ECSCR: variants seen among roughly 807,000 people sequenced by gnomAD.
ECSCR encodes the protein endothelial cell-specific chemotaxis regulator.
In ECSCR, 12 loss-of-function variants were observed where a neutral mutation model predicts 16.7. The ratio of observed to expected loss-of-function variants is 0.72; its 90% confidence interval spans 0.46 to 1.17. The LOEUF (loss-of-function observed/expected upper bound fraction) is 1.17, where lower values mean the gene tolerates loss of function less well. Ranked by LOEUF, ECSCR falls within the 50% of genes most tolerant of loss-of-function variation. The pLI is 0.00. For missense variants in ECSCR, 122 were observed against 116.1 expected (o/e 1.05, Z -0.23); for synonymous variants, 44 against 42.2 (o/e 1.04, Z -0.17).
intron 5 of ECSCR, among the ~76,000 whole-genome samples, chr5:139,455,750 G>C (rs997369653): frequency 6.7e-6 from 1 of 148,260 alleles, no homozygotes; most frequent in African/African-American, 2.5e-5. Flanking sequence ...GCCAAGATGG[G>C]TGGATCACTT....
In ECSCR at chr5:139,454,146, GGT is replaced by G. The variant is rs1207263373; in HGVS notation, c.512+454_512+455del. Among the ~76,000 whole-genome samples the G allele has an allele frequency of 1.4e-3, 207 of 144,192 alleles. 2 individuals carry two copies. The highest frequency in any genetic ancestry group is 4.3e-3 in the African/African-American group (168 of 39,050). The allele number at this position is 144,192 out of a possible 152,430, so 94.6% of individuals were successfully genotyped here. ...GGTGTGTGGTGTGTCTGATGAGTGG[GGT>G]GTGTGTGTGTGTGGTGTGTGGGTAT... On this transcript the variant is annotated intron_variant, in intron 8 of 9. Transcript: ENST00000618155.
At chr5:139,450,727 G>A (rs550051171) in intron 8 of ECSCR, among the ~76,000 whole-genome samples, 6 of 151,084 alleles carry the variant, frequency 4.0e-5, no homozygotes, top group Non-Finnish European at 7.4e-5. Flanking sequence ...AGTGAGCTGA[G>A]ATTGTACCAC....
In ECSCR at chr5:139,448,662, G is replaced by A. The variant is rs1019145932; in HGVS notation, c.*238C>T. The stretch of plus-strand genomic sequence containing the variant: ...ACCTCCTCTTTCCTGTGGCTCTGAG[G>A]AGGTGGGAGAAGCAGGCAGTATTTC... On this transcript the variant is annotated 3_prime_UTR_variant, in exon 10 of 10. Transcript: ENST00000618155. 3.2e-6 allele frequency: 4 copies of A among 1,262,692 alleles called. No individual in the cohort carries two copies. Among genetic ancestry groups the A allele is most frequent in the Admixed American group, 3.2e-5 (1 of 31,494 alleles). The allele number at this position is 1,262,692 out of a possible 1,614,324, so 78.2% of individuals were successfully genotyped here.
At chr5:139,456,731 T>A (rs978979822) in intron 4 of ECSCR, among the ~76,000 whole-genome samples, 1 of 152,212 alleles carries the variant, frequency 6.6e-6, no homozygotes, top group Non-Finnish European at 1.5e-5. Flanking sequence ...TCCTGTTACC[T>A]TCGTTGTGAC....
intron 1 of ECSCR, among the ~76,000 whole-genome samples, chr5:139,460,290 C>T (rs928584492): frequency 6.6e-6 from 1 of 152,080 alleles, no homozygotes; most frequent in Non-Finnish European, 1.5e-5. Flanking sequence ...CGCCTGCCAC[C>T]ATGCCCGGCT....
In ECSCR at chr5:139,458,315, GTTTTGTTTTGT is replaced by G. The variant is rs1253800050; in HGVS notation, c.62-143_62-133del. ...GACCCTGTCTCTAAAAAAAAATTTT[GTTTTGTTTTGT>G]TTTTTTTTTTTTTTTAAATTCTCCA... On this transcript the variant is annotated intron_variant, in intron 1 of 9. Coordinates refer to ENST00000618155, the MANE Select transcript of ECSCR (RefSeq NM_001077693.4). 61 of 712,826 alleles carry G rather than the reference GTTTTGTTTTGT, an allele frequency of 8.6e-5. No individual in the cohort carries two copies. The South Asian group carries it at 1.2e-3, about 14-fold the overall frequency. The allele number at this position is 712,826 out of a possible 1,614,324, so 44.2% of individuals were successfully genotyped here. A position where few individuals can be genotyped will look rare whatever the true frequency, so the allele number is the denominator to read the frequency against.
chr5:139,456,516 C>T lies in ECSCR; in HGVS notation c.220G>A (p.Ala74Thr), dbSNP rs912591074. ...TCTCTTCCACTGCTGGGGACACCTG[C>T]GCCTGCACCATGAAACAGCATGACC... ...SHLSSTGTPG[A>T]GVPSSGRDGG... Residue 74 changes from alanine to threonine, a missense_variant and splice_region_variant, in exon 5 of 10, where the codon GCA (alanine) becomes ACA (threonine). Ala to Thr is a moderately conservative substitution (Grantham distance 58). Coordinates refer to ENST00000618155, the MANE Select transcript of ECSCR (RefSeq NM_001077693.4). 29 of 398,704 alleles carry T rather than the reference C, an allele frequency of 7.3e-5. No individual in the cohort carries two copies. The highest frequency in any genetic ancestry group is 1.0e-4 in the African/African-American group (5 of 48,764). The allele number at this position is 398,704 out of a possible 1,614,324, so 24.7% of individuals were successfully genotyped here. A position where few individuals can be genotyped will look rare whatever the true frequency, so the allele number is the denominator to read the frequency against.
intron 2 of ECSCR, 165 bp downstream of exon 2, chr5:139,457,974 A>T: frequency 1.6e-6 from 1 of 617,910 alleles, no homozygotes; most frequent in South Asian, 7.1e-5. Flanking sequence ...AGCTAGGCTG[A>T]AAAAAAATCC....
At chr5:139,453,809 ATGTGTGGGGGATGTGTGG>A (rs1339406170) in intron 8 of ECSCR, among the ~76,000 whole-genome samples, 2 of 29,584 alleles carry the variant, frequency 6.8e-5, no homozygotes, top group Admixed American at 6.6e-4. Context: ...GTGGTGTGTG[ATGTGTGGGGGATGTGTGG>A]TGTGTGGGTA....
chr5:139,454,312 A>G (rs1406002488), intron 8 of ECSCR, among the ~76,000 whole-genome samples: 1 of 131,372 alleles, frequency 7.6e-6, no homozygotes, highest in Non-Finnish European at 1.6e-5. Context: ...GGAGGCGTGT[A>G]TAATATGGGG....
At chr5:139,454,307 C>G (rs916599731) in intron 8 of ECSCR, among the ~76,000 whole-genome samples, 2 of 122,702 alleles carry the variant, frequency 1.6e-5, no homozygotes, top group Non-Finnish European at 1.7e-5. Context: ...GTGTGGGAGG[C>G]GTGTATAATA....
At chr5:139,455,480 A>G (rs1435808944) in intron 5 of ECSCR, 44 bp from the exon 6 acceptor site, 3 of 397,138 alleles carry the variant, frequency 7.6e-6, no homozygotes, top group African/African-American at 2.1e-5. Context: ...GGGGACTGAC[A>G]CAGGGAAGCT....
At chr5:139,462,101 C>T (rs1180039313) in intron 1 of ECSCR, among the ~76,000 whole-genome samples, 1 of 152,190 alleles carries the variant, frequency 6.6e-6, no homozygotes, top group African/African-American at 2.4e-5. Flanking sequence ...TGTGTCTAAC[C>T]TGAGTCCCTC....
At chr5:139,450,371 G>A (rs1314930386) in intron 8 of ECSCR, among the ~76,000 whole-genome samples, 1 of 151,852 alleles carries the variant, frequency 6.6e-6, no homozygotes, top group Non-Finnish European at 1.5e-5. Context: ...GGGCATGGTG[G>A]CACATGCCTG....
intron 1 of ECSCR, among the ~76,000 whole-genome samples, chr5:139,459,797 G>T (rs1433225233): frequency 2.0e-5 from 3 of 152,190 alleles, no homozygotes; most frequent in Admixed American, 6.5e-5. Context: ...GGTGCCAGGG[G>T]CCCACCCCAG....
In ECSCR at chr5:139,455,378, A is replaced by G. The variant is rs1751134157; in HGVS notation, c.321T>C (p.Asp107=). 7.5e-6 allele frequency: 3 copies of G among 398,630 alleles called. No individual in the cohort carries two copies. Among genetic ancestry groups the G allele is most frequent in the African/African-American group, 2.1e-5 (1 of 48,630 alleles). 24.7% of individuals were successfully genotyped at this position (398,630 alleles called of 1,614,324 possible). A position where few individuals can be genotyped will look rare whatever the true frequency, so the allele number is the denominator to read the frequency against. Residue 107 remains aspartate, a synonymous_variant, in exon 6 of 10, where the codon GAT becomes GAC. Transcript: ENST00000618155. ...STTMSLSMRE[D]ATILPSPTSE... ...ACGTGGGGCTGGGCAGGATGGTCGCATCTTCCCTCATGCTCAGGCTCATGG... is the reference window on the plus strand; with the variant it reads ...ACGTGGGGCTGGGCAGGATGGTCGCGTCTTCCCTCATGCTCAGGCTCATGG...
chr5:139,455,201 T>G, intron 6 of ECSCR, 122 bp downstream of exon 6: 1 of 397,270 alleles, frequency 2.5e-6, no homozygotes, highest in Non-Finnish European at 4.4e-6. Context: ...GGGTCTTCCT[T>G]ATCAGCCAGA....
At chr5:139,458,409 G>T (rs1350198500) in intron 1 of ECSCR, among the ~76,000 whole-genome samples, 10 of 141,850 alleles carry the variant, frequency 7.0e-5, no homozygotes, top group African/African-American at 2.4e-4. Flanking sequence ...TGGCAGGATT[G>T]CTTGAGACCA....
Position 139,448,842 on chromosome 5 carries a change from C to A in ECSCR, c.*58G>T. On this transcript the variant is annotated 3_prime_UTR_variant, in exon 10 of 10. Coordinates refer to ENST00000618155, the MANE Select transcript of ECSCR (RefSeq NM_001077693.4). Reference sequence around the variant, plus strand: ...GCCTCTACTAATTCCATCTCTTCCTCCTTGTAGTCACAGGGCAGCTGCATC... The same window carrying A: ...GCCTCTACTAATTCCATCTCTTCCTACTTGTAGTCACAGGGCAGCTGCATC... The A allele has an allele frequency of 6.5e-7, 1 of 1,534,626 alleles. No individual in the cohort carries two copies. Among genetic ancestry groups the A allele is most frequent in the Middle Eastern group, 1.7e-4 (1 of 5,978 alleles).
Sources: gnomAD v4.1 joint callset for allele counts (sites outside exome capture counted in the v4.1 genomes callset) on GRCh38, gnomAD v4.1.1 for gene constraint, MANE v1.5 for transcripts, NCBI Gene and HGNC (gene_info 2026-07-23, HGNC 2026-07-21) for gene names.